Variants in TBC1D31 observed in about 807,000 individuals in gnomAD.
TBC1D31 encodes WD repeat domain 67.
In TBC1D31, 99 loss-of-function variants were observed where a neutral mutation model predicts 132.9. That is an observed-to-expected ratio of 0.74 (90% confidence interval 0.63 to 0.88). The LOEUF is 0.88. Among genes scored for constraint, TBC1D31 ranks in the 40% least tolerant of loss-of-function variants. TBC1D31 has a pLI of 0.00. For synonymous variants in TBC1D31, 385 were observed against 419.4 expected, an observed-to-expected ratio of 0.92 and a Z score of 1.00; for missense variants, 1,134 against 1,256.6, an observed-to-expected ratio of 0.90 and a Z score of 1.48.
In TBC1D31 at chr8:123,128,329, C is replaced by G; in HGVS notation, c.1933C>G (p.Gln645Glu). Reference protein sequence around the residue: ...NNLDINVVIRQVYHLMETTPT... With the variant: ...NNLDINVVIREVYHLMETTPT... ...CCTGGATATAAATGTTGTGATTAGA[C>G]AAGTTTATCATCTCATGGAGACCAC... Residue 645 changes from glutamine to glutamate, a missense_variant, in exon 14 of 22, where the codon CAA (glutamine) becomes GAA (glutamate). Gln to Glu is a conservative substitution (Grantham distance 29, BLOSUM62 2). Transcript: ENST00000287380. The G allele has an allele frequency of 2.5e-6, 4 of 1,612,780 alleles. No individual in the cohort carries two copies. The highest frequency in any genetic ancestry group is 3.4e-6 in the Non-Finnish European group (4 of 1,179,174).
intron 2 of TBC1D31, among the ~76,000 whole-genome samples, chr8:123,078,882 A>G (rs1026378413): frequency 1.3e-5 from 2 of 152,234 alleles, no homozygotes; most frequent in Non-Finnish European, 2.9e-5. Flanking sequence ...GAAGAAAAAA[A>G]ATTATACAAT....
At chr8:123,123,836 C>T (rs1460575113) in intron 11 of TBC1D31, among the ~76,000 whole-genome samples, 13 of 152,250 alleles carry the variant, frequency 8.5e-5, no homozygotes, top group Admixed American at 6.5e-4. Flanking sequence ...AGTTAACACC[C>T]TATCGAATGT....
chr8:123,077,234 T>C lies in TBC1D31; in HGVS notation c.201T>C (p.Tyr67=), dbSNP rs778765781. Residue 67 remains tyrosine (Y), a synonymous_variant, in exon 2 of 22, where the codon TAT becomes TAC. Transcript: ENST00000287380. Reference sequence around the variant, plus strand: ...CTGGGGACCACCAAGGAAATATTTATGTTTTTGACTTACATGGAAACAGGT... The same window carrying C: ...CTGGGGACCACCAAGGAAATATTTACGTTTTTGACTTACATGGAAACAGGT... ...LIAGDHQGNI[Y]VFDLHGNRFN... The C allele has an allele frequency of 1.7e-5, 27 of 1,611,964 alleles. No homozygotes were observed. Among genetic ancestry groups the C allele is most frequent in the Admixed American group, 5.0e-5 (3 of 59,458 alleles).
chr8:123,151,266 G>A (rs1822744737), intron 21 of TBC1D31, among the ~76,000 whole-genome samples: 1 of 152,140 alleles, frequency 6.6e-6, no homozygotes, highest in African/African-American at 2.4e-5. Flanking sequence ...ATATTTTTAA[G>A]GGCTTTTAAA....
At chr8:123,097,668 T>G (rs546947393) in intron 6 of TBC1D31, 17 of 416,516 alleles carry the variant, frequency 4.1e-5, no homozygotes, top group Non-Finnish European at 6.7e-5. Flanking sequence ...TACTGTAAAT[T>G]TATATTGTAC....
At chr8:123,131,208 A>G (rs894301175) in intron 16 of TBC1D31, among the ~76,000 whole-genome samples, 2 of 151,674 alleles carry the variant, frequency 1.3e-5, no homozygotes, top group Non-Finnish European at 2.9e-5. Flanking sequence ...TACTAAAAAT[A>G]CAAGAATTAG....
chr8:123,141,199 C>G (rs1821629512), intron 18 of TBC1D31, among the ~76,000 whole-genome samples: 1 of 152,124 alleles, frequency 6.6e-6, no homozygotes, highest in Non-Finnish European at 1.5e-5. Context: ...GGAATAGTGA[C>G]TTAAAAGAAA....
At chr8:123,098,461 C>T (rs1817045742) in intron 6 of TBC1D31, among the ~76,000 whole-genome samples, 3 of 152,152 alleles carry the variant, frequency 2.0e-5, no homozygotes, top group South Asian at 4.1e-4. Context: ...ACCACCATGC[C>T]CAGCTAATTT....
rs2130999210 is a variant in TBC1D31 at position 123,152,096 on chromosome 8, T to C, written c.*157T>C. The C allele has an allele frequency of 1.4e-6, 1 of 725,662 alleles. No individual in the cohort carries two copies. Among genetic ancestry groups the C allele is most frequent in the East Asian group, 3.4e-5 (1 of 29,454 alleles). 45.0% of individuals were successfully genotyped at this position (725,662 alleles called of 1,614,324 possible). The stretch of plus-strand genomic sequence containing the variant: ...TGTGTTATTTAATTCTGATACTTTT[T>C]GGCTTGTAAATGGCTTCTTGAACTT... On this transcript the variant is annotated 3_prime_UTR_variant, in exon 22 of 22. Transcript: ENST00000287380.
At chr8:123,150,169 A>T in intron 21 of TBC1D31, 41 bp downstream of exon 21, 1 of 1,508,218 alleles carries the variant, frequency 6.6e-7, no homozygotes, top group Non-Finnish European at 9.2e-7. Flanking sequence ...GCCATTTTAA[A>T]TTTCACAATA....
chr8:123,153,958 A>G (rs1429826264), downstream of TBC1D31, among the ~76,000 whole-genome samples: 1 of 152,248 alleles, frequency 6.6e-6, no homozygotes, highest in African/African-American at 2.4e-5. Context: ...ATTTTCCAAT[A>G]TGAATTCAGT....
chr8:123,133,724 A>G (rs1461899883), intron 16 of TBC1D31, among the ~76,000 whole-genome samples: 1 of 152,212 alleles, frequency 6.6e-6, no homozygotes, highest in East Asian at 1.9e-4. Flanking sequence ...TTGTCAAACC[A>G]TACTTATAAA....
intron 5 of TBC1D31, among the ~76,000 whole-genome samples, chr8:123,096,494 C>T (rs1816853950): frequency 1.3e-5 from 2 of 152,224 alleles, no homozygotes; most frequent in Non-Finnish European, 1.5e-5. Flanking sequence ...AGCAGATCTT[C>T]CTCCTTTCCC....
At chr8:123,116,110 T>A (rs774280916) in intron 10 of TBC1D31, among the ~76,000 whole-genome samples, 3 of 152,318 alleles carry the variant, frequency 2.0e-5, no homozygotes, top group Non-Finnish European at 4.4e-5. Context: ...TATAAATAGA[T>A]ATGCAGAGTC....
intron 20 of TBC1D31, among the ~76,000 whole-genome samples, chr8:123,145,552 C>A (rs1295452592): frequency 6.6e-6 from 1 of 152,020 alleles, no homozygotes; most frequent in Non-Finnish European, 1.5e-5. Context: ...ACTGAAAAAT[C>A]AAAATTATAA....
intron 20 of TBC1D31, 133 bp downstream of exon 20, chr8:123,144,988 A>G (rs1347046663): frequency 8.6e-6 from 7 of 817,902 alleles, no homozygotes; most frequent in Non-Finnish European, 1.3e-5. Context: ...TAGTGATGCA[A>G]TCATGGCTCA....
intron 5 of TBC1D31, 61 bp downstream of exon 5, chr8:123,093,803 CA>C (rs1399643057): frequency 2.5e-6 from 3 of 1,190,430 alleles, no homozygotes; most frequent in Non-Finnish European, 3.4e-6. Flanking sequence ...TAAAAAATTA[CA>C]AATTTTCATT....
At chr8:123,128,166 CA>C (rs1420912437) in intron 13 of TBC1D31, 114 bp from the exon 14 acceptor site, 7 of 504,044 alleles carry the variant, frequency 1.4e-5, no homozygotes, top group African/African-American at 1.0e-4. Flanking sequence ...AATGAATTTG[CA>C]AAAAAATATA....
At chr8:123,109,146 C>T (rs1183449220) in intron 8 of TBC1D31, among the ~76,000 whole-genome samples, 171 bp from the exon 9 acceptor site, 1 of 152,112 alleles carries the variant, frequency 6.6e-6, no homozygotes, top group Non-Finnish European at 1.5e-5. Flanking sequence ...TATGTATATG[C>T]ATGCTCAAGA....
Sources: gnomAD v4.1 joint callset for allele counts (sites outside exome capture counted in the v4.1 genomes callset) on GRCh38, gnomAD v4.1.1 for gene constraint, MANE v1.5 for transcripts, NCBI Gene and HGNC (gene_info 2026-07-23, HGNC 2026-07-21) for gene names.